Variants in ADGRV1 observed in about 807,000 individuals in gnomAD.
ADGRV1 encodes adhesion G protein-coupled receptor V1.
A neutral mutation model predicts 596.2 loss-of-function variants in ADGRV1; 359 were observed. That is an observed-to-expected ratio of 0.60 (90% CI 0.55 to 0.66). ADGRV1 has a LOEUF of 0.66. Ranked by LOEUF, ADGRV1 falls within the 30% of genes least tolerant of loss-of-function variation. The pLI, the probability that ADGRV1 is intolerant of heterozygous loss-of-function variation, is 0.00. For missense variants in ADGRV1, 7,274 were observed against 7,575.6 expected, an observed-to-expected ratio of 0.96 and a Z score of 1.48; for synonymous variants, 2,681 against 2,679.2, an observed-to-expected ratio of 1.00 and a Z score of -0.02.
intron 83 of ADGRV1, among the ~76,000 whole-genome samples, chr5:90,911,195 A>G (rs1561928550): frequency 6.6e-6 from 1 of 152,168 alleles, no homozygotes; most frequent in Non-Finnish European, 1.5e-5. Flanking sequence ...AATCTGTGTG[A>G]CTATTTTTAA....
chr5:90,690,072 A>C lies in ADGRV1; in HGVS notation c.6702A>C (p.Leu2234Phe), dbSNP rs1336370235. Reference sequence around the variant, plus strand: ...AGGCCTCTGATGACCCCTATGGATTATTTGGTATGAAGACTAATTTATGTC... The same window carrying C: ...AGGCCTCTGATGACCCCTATGGATTCTTTGGTATGAAGACTAATTTATGTC... ...IIEASDDPYG[L>F]FGFQITKLIV... The change falls in exon 30 of 90, where the codon TTA (leucine) becomes TTC (phenylalanine). Residue 2234 changes from leucine (L) to phenylalanine (F), a missense_variant. By Grantham distance (22) the Leu-to-Phe change is conservative. Around this residue, in one of 5 missense-constraint regions of ADGRV1, gnomAD observed 3,643 missense variants for 3,809.2 expected, o/e 0.96. Transcript: ENST00000405460. The C allele has an allele frequency of 6.6e-7, 1 of 1,518,374 alleles. No individual in the cohort carries two copies. The allele number at this position is 1,518,374 out of a possible 1,614,324, so 94.1% of individuals were successfully genotyped here. A position where few individuals can be genotyped will look rare whatever the true frequency, so the allele number is the denominator to read the frequency against.
intron 87 of ADGRV1, among the ~76,000 whole-genome samples, chr5:91,117,437 T>C (rs1015405048): frequency 6.6e-6 from 1 of 152,096 alleles, no homozygotes; most frequent in African/African-American, 2.4e-5. Flanking sequence ...TTATGTGGAA[T>C]TGTACTTATT....
At chr5:91,062,317 G>T (rs139976245) in intron 85 of ADGRV1, among the ~76,000 whole-genome samples, 1,747 of 152,272 alleles carry the variant, frequency 0.011, 37 homozygotes, top group African/African-American at 0.041. Context: ...AGACAGATTG[G>T]CTCAGCTCAG....
At position 90,640,501 on chromosome 5, in the gene ADGRV1, G is replaced by A. The variant is rs189245779; in HGVS notation, c.2241-2135G>A. On this transcript the variant is annotated intron_variant, in intron 11 of 89. Coordinates refer to ENST00000405460, the MANE Select transcript of ADGRV1 (RefSeq NM_032119.4). ...GAATGAAATTTGTTCAGCTGCTGTG[G>A]TTTGTGAGCCTGTACAGTGCTTGGC... 3.4e-3 allele frequency among the ~76,000 whole-genome samples: 525 copies of A among 152,216 alleles called. 3 individuals carry two copies. The highest frequency in any genetic ancestry group is 6.1e-3 in the Admixed American group (93 of 15,294).
intron 83 of ADGRV1, among the ~76,000 whole-genome samples, chr5:90,946,084 C>T (rs1204744115): frequency 6.6e-6 from 1 of 152,052 alleles, no homozygotes; most frequent in Non-Finnish European, 1.5e-5. Flanking sequence ...AAGGAAATGA[C>T]GTTTGAACTG....
chr5:91,057,458 T>C (rs558802391), intron 85 of ADGRV1, among the ~76,000 whole-genome samples: 1 of 152,274 alleles, frequency 6.6e-6, no homozygotes, highest in Non-Finnish European at 1.5e-5. Context: ...GAGAAGAAAT[T>C]TAGAAAGTGC....
intron 87 of ADGRV1, among the ~76,000 whole-genome samples, chr5:91,127,047 A>G (rs1562252643): frequency 6.6e-6 from 1 of 152,204 alleles, no homozygotes; most frequent in East Asian, 1.9e-4. Context: ...ACCTGATTGC[A>G]CTTCCCAACA....
chr5:90,981,863 G>A (rs1422126039), intron 84 of ADGRV1, among the ~76,000 whole-genome samples: 1 of 152,158 alleles, frequency 6.6e-6, no homozygotes, highest in Non-Finnish European at 1.5e-5. Flanking sequence ...CATGCCTAGT[G>A]GTAGAAGGTG....
intron 83 of ADGRV1, among the ~76,000 whole-genome samples, chr5:90,893,235 T>C (rs1272546644): frequency 2.0e-5 from 3 of 152,150 alleles, no homozygotes; most frequent in Admixed American, 2.0e-4. Context: ...TTAGGAAGGC[T>C]TTGGATTCTC....
chr5:91,143,829 G>A (rs1015816290), intron 87 of ADGRV1, among the ~76,000 whole-genome samples: 2 of 152,186 alleles, frequency 1.3e-5, no homozygotes, highest in Non-Finnish European at 2.9e-5. Context: ...CCATTCATAT[G>A]GAGGGGTGCC....
intron 41 of ADGRV1, 80 bp downstream of exon 41, chr5:90,711,402 G>T: frequency 1.9e-6 from 2 of 1,039,622 alleles, no homozygotes; most frequent in East Asian, 2.7e-5. Flanking sequence ...AGTGATTTAG[G>T]TCCCATATAA....
intron 87 of ADGRV1, among the ~76,000 whole-genome samples, chr5:91,119,338 T>C (rs10063470): frequency 7.6e-4 from 115 of 152,314 alleles, no homozygotes; most frequent in African/African-American, 2.6e-3. Flanking sequence ...AGCCAAGAGT[T>C]GATTGCTTAT....
At chr5:90,763,858 A>C (rs1158999050) in intron 59 of ADGRV1, among the ~76,000 whole-genome samples, 2 of 152,300 alleles carry the variant, frequency 1.3e-5, no homozygotes, top group Non-Finnish European at 2.9e-5. Flanking sequence ...GACATGATTT[A>C]ATTATTTTAT....
rs5869517 is a variant in ADGRV1 at position 90,760,275 on chromosome 5, CAAAAAAAAAA to C, written c.12120+696_12120+705del. Among the ~76,000 whole-genome samples the C allele has an allele frequency of 2.6e-3, 201 of 77,584 alleles. 8 individuals are homozygous for C. The East Asian group carries it at 0.086, about 33-fold the overall frequency. The allele number at this position is 77,584 out of a possible 152,430, so 50.9% of individuals were successfully genotyped here. On this transcript the variant is annotated intron_variant, in intron 58 of 89. Coordinates refer to ENST00000405460, the MANE Select transcript of ADGRV1 (RefSeq NM_032119.4). ...TGGGCAACAGAGTGAGACTTCGTCTCAAAAAAAAAAAAAAAAAAGGAAAGAAAGTCTTCAT... is the reference window on the plus strand; with the variant it reads ...TGGGCAACAGAGTGAGACTTCGTCTCAAAAAAAAGGAAAGAAAGTCTTCAT...
intron 83 of ADGRV1, among the ~76,000 whole-genome samples, chr5:90,949,990 A>G (rs1427462928): frequency 1.3e-5 from 2 of 152,172 alleles, no homozygotes; most frequent in African/African-American, 2.4e-5. Context: ...ACTTTGTACA[A>G]TGGTTTGTCC....
At chr5:90,915,404 C>T (rs936021906) in intron 83 of ADGRV1, among the ~76,000 whole-genome samples, 1 of 152,132 alleles carries the variant, frequency 6.6e-6, no homozygotes, top group Admixed American at 6.5e-5. Flanking sequence ...GCTGTTTAAT[C>T]CCCCTGACTT....
chr5:90,714,560 TCTA>T (rs1358802229), intron 42 of ADGRV1, among the ~76,000 whole-genome samples: 1 of 152,092 alleles, frequency 6.6e-6, no homozygotes. Flanking sequence ...TACTATATTT[TCTA>T]CTATTTTCAT....
intron 1 of ADGRV1, among the ~76,000 whole-genome samples, chr5:90,605,247 T>G (rs1761949573): frequency 6.6e-6 from 1 of 152,074 alleles, no homozygotes; most frequent in Admixed American, 6.6e-5. Context: ...AAACCTCGTC[T>G]CTAATAAAAA....
chr5:91,096,495 G>T (rs1280168660), intron 86 of ADGRV1, among the ~76,000 whole-genome samples: 1 of 152,132 alleles, frequency 6.6e-6, no homozygotes. Flanking sequence ...TGTTGTTGTT[G>T]TTTGTTTTGT....
Sources: gnomAD v4.1 joint callset for allele counts (sites outside exome capture counted in the v4.1 genomes callset) on GRCh38, gnomAD v4.1.1 for gene constraint, gnomAD v4.1.1 regional missense constraint, MANE v1.5 for transcripts, NCBI Gene and HGNC (gene_info 2026-07-23, HGNC 2026-07-21) for gene names.